MAGI1: variants seen among roughly 807,000 people sequenced by gnomAD.
The protein encoded by MAGI1 is membrane associated guanylate kinase, WW and PDZ domain containing 1.
In MAGI1, 58 loss-of-function variants were observed where a neutral mutation model predicts 139.9. That is an observed-to-expected ratio of 0.41 (90% CI 0.34 to 0.52). The LOEUF (loss-of-function observed/expected upper bound fraction) is 0.52. Ranked by LOEUF, MAGI1 falls within the 20% of genes least tolerant of loss-of-function variation. MAGI1 has a pLI of 0.12. For synonymous variants in MAGI1, 812 were observed against 737.9 expected (o/e 1.10, Z -1.63); for missense variants, 1,874 against 1,901.6 (o/e 0.99, Z 0.27).
At chr3:65,959,001 AC>A (rs1312172186) in intron 1 of MAGI1, among the ~76,000 whole-genome samples, 9 of 151,926 alleles carry the variant, frequency 5.9e-5, no homozygotes, top group African/African-American at 2.2e-4. Flanking sequence ...AAAAAAAACA[AC>A]AAAAAAAACC....
chr3:65,908,593 T>C (rs1178652460), intron 1 of MAGI1, among the ~76,000 whole-genome samples: 1 of 152,236 alleles, frequency 6.6e-6, no homozygotes, highest in East Asian at 1.9e-4. Flanking sequence ...CAATCCTTAT[T>C]ATTTCCGAAT....
intron 2 of MAGI1, among the ~76,000 whole-genome samples, chr3:65,619,519 T>C (rs2083556643): frequency 6.6e-6 from 1 of 152,128 alleles, no homozygotes; most frequent in Non-Finnish European, 1.5e-5. Flanking sequence ...GTCAATGAAA[T>C]GTCAGTGGCA....
chr3:65,434,671 T>C (rs1947706678), intron 10 of MAGI1, among the ~76,000 whole-genome samples: 1 of 152,176 alleles, frequency 6.6e-6, no homozygotes, highest in African/African-American at 2.4e-5. Flanking sequence ...AACCCAGAGT[T>C]ATAACCAATG....
intron 1 of MAGI1, among the ~76,000 whole-genome samples, chr3:65,867,938 T>A (rs531328470): frequency 1.3e-5 from 2 of 152,144 alleles, no homozygotes; most frequent in African/African-American, 4.8e-5. Flanking sequence ...CAGATGGCAG[T>A]CCCAAAAGTG....
chr3:65,510,267 G>GGAA (rs1559622727), intron 2 of MAGI1, among the ~76,000 whole-genome samples: 2 of 152,176 alleles, frequency 1.3e-5, no homozygotes, highest in East Asian at 1.9e-4. Context: ...CCAAAGGAAC[G>GGAA]CAGTTCCTCA....
chr3:65,459,090 T>C (rs1217362578), intron 5 of MAGI1, among the ~76,000 whole-genome samples: 1 of 152,216 alleles, frequency 6.6e-6, no homozygotes, highest in Non-Finnish European at 1.5e-5. Context: ...CTTGGCACCT[T>C]TGTCTAAAAT....
At position 66,038,271 on chromosome 3, in the gene MAGI1, C is replaced by A; in HGVS notation, c.38G>T (p.Ser13Ile). ...KVIQKKNHWT[S>I]RVHECTVKRG... ...CTTCACGGTGCATTCGTGAACCCTGCTAGTCCAGTGGTTCTTCTTCTGGAT... is the reference window on the plus strand; with the variant it reads ...CTTCACGGTGCATTCGTGAACCCTGATAGTCCAGTGGTTCTTCTTCTGGAT... The change falls in exon 1 of 23, where the codon AGC (serine) becomes ATC (isoleucine). Residue 13 changes from serine to isoleucine, a missense_variant. This residue lies in a region of MAGI1 where 648 missense variants were observed against 598.1 expected (regional missense o/e 1.08). Coordinates refer to ENST00000402939, the MANE Select transcript of MAGI1 (RefSeq NM_001033057.2). 1 of 1,603,958 alleles carries A rather than the reference C, an allele frequency of 6.2e-7. No individual in the cohort carries two copies.
intron 3 of MAGI1, among the ~76,000 whole-genome samples, chr3:65,489,511 G>A (rs1575983072): frequency 6.6e-6 from 1 of 152,050 alleles, no homozygotes; most frequent in Non-Finnish European, 1.5e-5. Flanking sequence ...AGGGGGAGGT[G>A]AGGCAGGGGA....
At chr3:65,898,130 A>G (rs1003728346) in intron 1 of MAGI1, among the ~76,000 whole-genome samples, 2 of 152,194 alleles carry the variant, frequency 1.3e-5, no homozygotes, top group Non-Finnish European at 2.9e-5. Flanking sequence ...AGAGTTTGAT[A>G]TACGATTTGG....
intron 1 of MAGI1, among the ~76,000 whole-genome samples, chr3:65,869,902 G>A (rs9837695): frequency 0.26 from 39,631 of 152,124 alleles, 6,685 homozygotes; most frequent in African/African-American, 0.48. Flanking sequence ...TGTGCAGCAC[G>A]TGGCCCAGTG....
At chr3:65,870,107 G>A (rs1209391203) in intron 1 of MAGI1, among the ~76,000 whole-genome samples, 1 of 152,168 alleles carries the variant, frequency 6.6e-6, no homozygotes, top group African/African-American at 2.4e-5. Flanking sequence ...CACGGATGCT[G>A]AGCATTTATT....
rs190017091 is a variant in MAGI1 at position 65,760,154 on chromosome 3, C to G, written c.314-138066G>C. ...TGTCATCATTGTCTTCAACTTCCTC[C>G]TCCTCCTCCTCCTCCTCCTCCTCCC... is the stretch of plus-strand genomic sequence containing the variant. On this transcript the variant is annotated intron_variant, in intron 1 of 22. Transcript: ENST00000402939. Among the ~76,000 whole-genome samples the G allele has an allele frequency of 1.6e-4, 25 of 151,640 alleles. 1 individual carries two copies. The East Asian group carries it at 4.8e-3, about 29-fold the overall frequency.
Position 65,819,061 on chromosome 3 carries a change from C to T in MAGI1, c.314-196973G>A, listed in dbSNP as rs1211078491. On this transcript the variant is annotated intron_variant, in intron 1 of 22. Transcript: ENST00000402939. Reference sequence around the variant, plus strand: ...CAACACTTTGGGAGGCTGAGGAGGGCGGATTACAAGGTCAGGAGTTCGAGA... The same window carrying T: ...CAACACTTTGGGAGGCTGAGGAGGGTGGATTACAAGGTCAGGAGTTCGAGA... 4.6e-5 allele frequency among the ~76,000 whole-genome samples: 7 copies of T among 152,026 alleles called. No individual in the cohort carries two copies. The East Asian group carries it at 7.8e-4, about 17-fold the overall frequency.
At chr3:65,776,247 C>CTT (rs5849693) in intron 1 of MAGI1, among the ~76,000 whole-genome samples, 60,017 of 141,462 alleles carry the variant, frequency 0.42, 13,109 homozygotes, top group Admixed American at 0.53. Context: ...AGTTGGGTTT[C>CTT]TTTTTTTTTT....
intron 1 of MAGI1, among the ~76,000 whole-genome samples, chr3:66,024,685 A>G (rs1274596454): frequency 6.6e-6 from 1 of 152,148 alleles, no homozygotes; most frequent in African/African-American, 2.4e-5. Context: ...GCATGCCTGT[A>G]ATCCCAGCTA....
At chr3:66,005,735 C>T (rs2066980843) in intron 1 of MAGI1, among the ~76,000 whole-genome samples, 1 of 152,126 alleles carries the variant, frequency 6.6e-6, no homozygotes, top group South Asian at 2.1e-4. Context: ...GGAATGGCAG[C>T]ACCATGCCAG....
intron 1 of MAGI1, among the ~76,000 whole-genome samples, chr3:65,979,889 C>T (rs1195093937): frequency 6.6e-6 from 1 of 152,162 alleles, no homozygotes; most frequent in Non-Finnish European, 1.5e-5. Flanking sequence ...TATTAAGCAG[C>T]ACCCTGGACT....
chr3:65,486,807 C>T (rs555619170), intron 3 of MAGI1, among the ~76,000 whole-genome samples: 65 of 152,246 alleles, frequency 4.3e-4, no homozygotes, highest in South Asian at 1.5e-3. Flanking sequence ...TTACAGCTGT[C>T]GGTGGATAGA....
rs905581696 is a variant in MAGI1, at chr3:65,549,248, C to G, written c.431-55617G>C. ...GCAAGTGCAGCGCGTTCCAGCCGCT[C>G]CCCGGCGCGGCCACTTCCTCGCCTT... On this transcript the variant is annotated intron_variant, in intron 2 of 22. Coordinates refer to ENST00000402939, the MANE Select transcript of MAGI1 (RefSeq NM_001033057.2). Among the ~76,000 whole-genome samples, 4 of 152,100 alleles carry G rather than the reference C, an allele frequency of 2.6e-5. No individual in the cohort carries two copies. In the South Asian group the frequency reaches 8.3e-4, roughly 31 times the overall value.
Sources: allele counts gnomAD v4.1 joint callset (sites outside exome capture counted in the v4.1 genomes callset), GRCh38; gene constraint gnomAD v4.1.1; regional missense constraint gnomAD v4.1.1; transcripts MANE v1.5; gene names NCBI Gene and HGNC (gene_info 2026-07-23, HGNC 2026-07-21).